Variants in SVIL observed in about 807,000 individuals in gnomAD.
The protein encoded by SVIL is archvillin.
Under a neutral mutation model 240.4 loss-of-function variants are expected in SVIL, and 101 were observed. The ratio of observed to expected loss-of-function variants is 0.42; its 90% CI spans 0.36 to 0.50. The LOEUF is 0.50. Among genes scored for constraint, SVIL ranks in the 20% least tolerant of loss-of-function variants. The pLI is 0.01. For missense variants in SVIL, 2,512 were observed against 2,818.7 expected (o/e 0.89, Z 2.46); for synonymous variants, 999 against 1,100.0 (o/e 0.91, Z 1.82).
At chr10:29,472,760 A>G (rs1434506193) in intron 30 of SVIL, among the ~76,000 whole-genome samples, 2 of 152,158 alleles carry the variant, frequency 1.3e-5, no homozygotes, top group African/African-American at 4.8e-5. Context: ...CCCAGGCACG[A>G]TGCAGGCCCT....
chr10:29,514,680 C>T (rs1306422751), intron 16 of SVIL, among the ~76,000 whole-genome samples: 2 of 152,200 alleles, frequency 1.3e-5, no homozygotes, highest in African/African-American at 4.8e-5. Context: ...CGCGCCTAGA[C>T]AACAGTGTAT....
chr10:29,664,982 G>C (rs1052996227), intron 2 of SVIL, among the ~76,000 whole-genome samples: 18 of 152,110 alleles, frequency 1.2e-4, no homozygotes, highest in African/African-American at 4.3e-4. Context: ...GCTTATGCCT[G>C]TAATCCCAGC....
intron 8 of SVIL, 25 bp from the exon 9 acceptor site, chr10:29,532,197 T>G: frequency 6.2e-7 from 1 of 1,603,220 alleles, no homozygotes; most frequent in Non-Finnish European, 8.5e-7. Context: ...GGGCAGAGAG[T>G]ATAAGGAAGG....
At chr10:29,525,543 G>T (rs2132539085) in intron 13 of SVIL, among the ~76,000 whole-genome samples, 1 of 152,310 alleles carries the variant, frequency 6.6e-6, no homozygotes, top group African/African-American at 2.4e-5. Context: ...GAGCCTGTGA[G>T]GTAGAGGCTG....
rs1948684900 is a variant in SVIL at position 29,499,123 on chromosome 10, C to T, written c.3657G>A (p.Val1219=). ...GGACACACACACACTGACCTTTCTT[C>T]ACCATCCTGCCAGCCACAGTGAACT... The part of the protein sequence containing the change: ...STQFTVAGRM[V]KKGLASPTAI... Residue 1219 remains valine (V), a synonymous_variant, in exon 18 of 38, where the codon GTG becomes GTA. Coordinates refer to ENST00000355867, the MANE Select transcript of SVIL (RefSeq NM_021738.3). The T allele has an allele frequency of 1.2e-6, 2 of 1,613,854 alleles. No homozygotes were observed. The highest frequency in any genetic ancestry group is 1.7e-6 in the Non-Finnish European group (2 of 1,179,860).
chr10:29,542,788 G>A (rs750916894), intron 6 of SVIL, among the ~76,000 whole-genome samples: 2 of 152,128 alleles, frequency 1.3e-5, no homozygotes, highest in Non-Finnish European at 2.9e-5. Flanking sequence ...TTTTGTACCC[G>A]TTAGGTGCTG....
At chr10:29,572,345 G>A (rs1333457923) in intron 1 of SVIL, among the ~76,000 whole-genome samples, 2 of 152,098 alleles carry the variant, frequency 1.3e-5, no homozygotes, top group Admixed American at 6.6e-5. Context: ...AACAACGTCA[G>A]TACCTTGGAT....
At chr10:29,533,529 T>C in intron 7 of SVIL, 71 bp from the exon 8 acceptor site, 1 of 1,518,106 alleles carries the variant, frequency 6.6e-7, no homozygotes, top group Non-Finnish European at 8.8e-7. Context: ...CATGCGTAGA[T>C]CACAGATTAC....
At chr10:29,490,563 A>C (rs2132396952) in intron 22 of SVIL, among the ~76,000 whole-genome samples, 1 of 146,746 alleles carries the variant, frequency 6.8e-6, no homozygotes, top group East Asian at 2.1e-4. Flanking sequence ...AGCCTGGGCA[A>C]TATGATGAAA....
chr10:29,649,886 G>T (rs1370486663), intron 3 of SVIL, among the ~76,000 whole-genome samples: 1 of 152,180 alleles, frequency 6.6e-6, no homozygotes, highest in Non-Finnish European at 1.5e-5. Context: ...CTTGTGAATG[G>T]ATTAATATCA....
chr10:29,536,130 C>G, intron 6 of SVIL, 61 bp from the exon 7 acceptor site: 1 of 1,496,414 alleles, frequency 6.7e-7, no homozygotes, highest in Non-Finnish European at 9.3e-7. Flanking sequence ...TATACACAGA[C>G]TTTACCATAA....
In SVIL at chr10:29,574,079, C is replaced by T. The variant is rs145297674; in HGVS notation, c.-200-4767G>A. 4.4e-3 allele frequency among the ~76,000 whole-genome samples: 670 copies of T among 152,258 alleles called. 4 individuals carry two copies. The highest frequency in any genetic ancestry group is 0.012 in the African/African-American group (504 of 41,552). On this transcript the variant is annotated intron_variant, in intron 1 of 37. Transcript: ENST00000355867. ...TTCCCTTTTCAATAGCATCACACAGCCACCAGCTCAGCATGAACGCACAAA... is the reference window on the plus strand; with the variant it reads ...TTCCCTTTTCAATAGCATCACACAGTCACCAGCTCAGCATGAACGCACAAA...
At chr10:29,658,729 C>A (rs997560814) in intron 2 of SVIL, among the ~76,000 whole-genome samples, 1 of 152,154 alleles carries the variant, frequency 6.6e-6, no homozygotes, top group Non-Finnish European at 1.5e-5. Context: ...GTACTTCAGC[C>A]TGGGCAACAA....
intron 3 of SVIL, among the ~76,000 whole-genome samples, chr10:29,650,565 A>G (rs1263428535): frequency 6.6e-6 from 1 of 152,158 alleles, no homozygotes; most frequent in Non-Finnish European, 1.5e-5. Flanking sequence ...TGTATTTAAT[A>G]CAACCAAGTG....
intron 1 of SVIL, among the ~76,000 whole-genome samples, chr10:29,598,477 G>A (rs1334884170): frequency 6.6e-6 from 1 of 152,214 alleles, no homozygotes; most frequent in African/African-American, 2.4e-5. Context: ...TGAACCTGTG[G>A]GTGTGGGACT....
At chr10:29,724,010 T>G (rs547745912) in intron 1 of SVIL, among the ~76,000 whole-genome samples, 1 of 152,102 alleles carries the variant, frequency 6.6e-6, no homozygotes, top group Non-Finnish European at 1.5e-5. Flanking sequence ...TAGAGAGACT[T>G]GGGTATGGGG....
At position 29,480,417 on chromosome 10, in the gene SVIL, G is replaced by A. The variant is rs933343166; in HGVS notation, c.5377+120C>T. The A allele has an allele frequency of 8.6e-6, 11 of 1,277,746 alleles. 1 individual carries two copies. In the African/African-American group the frequency reaches 1.5e-4, roughly 17 times the overall value. 79.2% of individuals were successfully genotyped at this position (1,277,746 alleles called of 1,614,324 possible). A position where few individuals can be genotyped will look rare whatever the true frequency, so the allele number is the denominator to read the frequency against. ...AGGTGGCTCTCAAAGGCGCATGACT[G>A]CAGTGCCCCACTGCACGGACGCAGC... is the stretch of plus-strand genomic sequence containing the variant. On this transcript the variant is annotated intron_variant, in intron 29 of 37. Transcript: ENST00000355867.
intron 17 of SVIL, among the ~76,000 whole-genome samples, chr10:29,511,668 A>G (rs956936116): frequency 2.0e-5 from 3 of 152,224 alleles, no homozygotes; most frequent in Non-Finnish European, 4.4e-5. Context: ...TATATTTGAG[A>G]ATTTTACAAA....
At chr10:29,469,219 A>G (rs1462842859) in intron 32 of SVIL, 3 of 152,004 alleles carry the variant, frequency 2.0e-5, no homozygotes, top group Non-Finnish European at 4.4e-5. Flanking sequence ...AGGGCATGTG[A>G]TTTCTCACCC....
Sources: allele counts gnomAD v4.1 joint callset (sites outside exome capture counted in the v4.1 genomes callset), GRCh38; gene constraint gnomAD v4.1.1; transcripts MANE v1.5; gene names NCBI Gene and HGNC (gene_info 2026-07-23, HGNC 2026-07-21).